FILIP1L: variants seen among roughly 807,000 people sequenced by gnomAD.
FILIP1L encodes filamin A-interacting protein 1-like.
FILIP1L carries 55 observed loss-of-function variants against 96.6 expected under a neutral mutation model. That is an observed-to-expected ratio of 0.57 (90% CI 0.46 to 0.71). The LOEUF (loss-of-function observed/expected upper bound fraction) is 0.71. Ranked by LOEUF, FILIP1L falls within the 30% of genes least tolerant of loss-of-function variation. The pLI is 0.00. For missense variants in FILIP1L, 1,304 were observed against 1,321.2 expected, an observed-to-expected ratio of 0.99 and a Z score of 0.20; for synonymous variants, 467 against 473.9, an observed-to-expected ratio of 0.99 and a Z score of 0.19.
At chr3:100,043,861 T>C (rs1269323628) in intron 1 of FILIP1L, among the ~76,000 whole-genome samples, 1 of 152,224 alleles carries the variant, frequency 6.6e-6, no homozygotes, top group African/African-American at 2.4e-5. Flanking sequence ...CAGTATGTTA[T>C]TTTGAATAAC....
chr3:99,918,837 G>A (rs1270774034), intron 4 of FILIP1L, among the ~76,000 whole-genome samples: 1 of 152,108 alleles, frequency 6.6e-6, no homozygotes, highest in Non-Finnish European at 1.5e-5. Context: ...TCTCCATTTT[G>A]TTCTGTCAAA....
rs1283434727 is a variant in FILIP1L, at chr3:99,848,358, T to C, written c.3318A>G (p.Lys1106=). The C allele has an allele frequency of 6.2e-7, 1 of 1,614,180 alleles. No homozygotes were observed. Among genetic ancestry groups the C allele is most frequent in the Non-Finnish European group, 8.5e-7 (1 of 1,180,018 alleles). ...GTGTGATAGTAATACTGCTGGTGAC[T>C]TTATTGGTTGTTTTGTTTAGTGCCC... The part of the protein sequence containing the change: ...INGALNKTTN[K]VTSSITITPT... The change falls in exon 5 of 6, where the codon AAA becomes AAG. Residue 1106 remains lysine, a synonymous_variant. Transcript: ENST00000477258.
At chr3:99,864,634 C>A (rs1271115534) in intron 4 of FILIP1L, among the ~76,000 whole-genome samples, 1 of 152,044 alleles carries the variant, frequency 6.6e-6, no homozygotes, top group Non-Finnish European at 1.5e-5. Flanking sequence ...TTCATTTGTT[C>A]ATTCCCATGC....
intron 1 of FILIP1L, among the ~76,000 whole-genome samples, chr3:99,960,307 T>A (rs1211512326): frequency 6.6e-6 from 1 of 152,140 alleles, no homozygotes; most frequent in Non-Finnish European, 1.5e-5. Flanking sequence ...AGGATCCCCA[T>A]TTTACAGATG....
intron 1 of FILIP1L, among the ~76,000 whole-genome samples, chr3:99,986,305 C>T (rs777281001): frequency 1.4e-4 from 22 of 152,076 alleles, no homozygotes; most frequent in Non-Finnish European, 1.5e-5. Flanking sequence ...AAGCTTGTGG[C>T]ATTAGATATG....
At chr3:100,007,426 A>T (rs528632165) in intron 1 of FILIP1L, among the ~76,000 whole-genome samples, 39 of 152,210 alleles carry the variant, frequency 2.6e-4, no homozygotes, top group Non-Finnish European at 5.0e-4. Context: ...AATTTTGGAA[A>T]CCTTGCTTGT....
intron 1 of FILIP1L, among the ~76,000 whole-genome samples, chr3:100,039,153 T>G (rs1278273787): frequency 2.0e-5 from 3 of 152,236 alleles, no homozygotes; most frequent in Non-Finnish European, 4.4e-5. Context: ...TAATAATAGT[T>G]CATCAAACAC....
intron 4 of FILIP1L, among the ~76,000 whole-genome samples, chr3:99,861,845 C>G (rs1162828431): frequency 2.6e-5 from 4 of 152,130 alleles, no homozygotes; most frequent in Non-Finnish European, 5.9e-5. Flanking sequence ...CAGCTGAATC[C>G]CGGCTTTCCA....
At chr3:99,905,551 A>G (rs146537701) in intron 4 of FILIP1L, among the ~76,000 whole-genome samples, 45 of 152,344 alleles carry the variant, frequency 3.0e-4, no homozygotes, top group African/African-American at 1.1e-3. Flanking sequence ...TTATTGAGGT[A>G]TAATTTATTT....
At chr3:100,075,748 C>T (rs1300151990) in intron 1 of FILIP1L, 1 of 152,070 alleles carries the variant, frequency 6.6e-6, no homozygotes, top group African/African-American at 2.4e-5. Flanking sequence ...AGAATTTCAT[C>T]CCACAGTGAT....
At chr3:100,052,018 A>T (rs2107320221) in intron 1 of FILIP1L, among the ~76,000 whole-genome samples, 1 of 151,686 alleles carries the variant, frequency 6.6e-6, no homozygotes, top group South Asian at 2.1e-4. Flanking sequence ...AGCAAGAAAC[A>T]CATGCAATTT....
chr3:100,068,600 A>T (rs2065707584), intron 1 of FILIP1L, among the ~76,000 whole-genome samples: 1 of 152,190 alleles, frequency 6.6e-6, no homozygotes, highest in Non-Finnish European at 1.5e-5. Flanking sequence ...CTTTTCTAAA[A>T]CATGAAAAAT....
At chr3:99,856,601 C>T (rs1490601285) in intron 4 of FILIP1L, among the ~76,000 whole-genome samples, 2 of 152,208 alleles carry the variant, frequency 1.3e-5, no homozygotes, top group Admixed American at 6.5e-5. Context: ...TCTACTATGG[C>T]TCAGAATTGT....
chr3:99,962,600 T>C (rs12629349), intron 1 of FILIP1L, among the ~76,000 whole-genome samples: 1,966 of 152,240 alleles, frequency 0.013, 99 homozygotes, highest in Admixed American at 0.092. Flanking sequence ...TTTGGTGGCT[T>C]TTATACACAG....
chr3:100,088,498 A>G (rs1338213379), intron 1 of FILIP1L, among the ~76,000 whole-genome samples: 1 of 152,242 alleles, frequency 6.6e-6, no homozygotes, highest in African/African-American at 2.4e-5. Flanking sequence ...TCATTTCAAA[A>G]TCTTTATATT....
chr3:99,997,956 G>A (rs9872339), intron 1 of FILIP1L, among the ~76,000 whole-genome samples: 125,942 of 152,182 alleles, frequency 0.83, 52,151 homozygotes, highest in East Asian at 0.88. Flanking sequence ...TCAAGATCAA[G>A]TTGAATAAAA....
rs560379307 is a variant in FILIP1L at position 100,095,048 on chromosome 3, A to G, written c.-11+19005T>C. On this transcript the variant is annotated intron_variant, in intron 1 of 5. Coordinates refer to ENST00000477258, the MANE Select transcript of FILIP1L (RefSeq NM_001387850.1). ...CTGTTGTGAAAAACCAGGCAGGCAT[A>G]TTTGCATGGTCTGTTCACAGATTCT... Among the ~76,000 whole-genome samples the G allele has an allele frequency of 2.0e-5, 3 of 152,184 alleles. No homozygotes were observed. The South Asian group carries it at 6.2e-4, about 32-fold the overall frequency.
intron 1 of FILIP1L, among the ~76,000 whole-genome samples, chr3:99,964,725 G>T (rs1708595512): frequency 6.6e-6 from 1 of 152,086 alleles, no homozygotes; most frequent in Non-Finnish European, 1.5e-5. Flanking sequence ...GTAAACAAAG[G>T]AGGCTTTGGA....
Position 99,930,972 on chromosome 3 carries a change from G to A in FILIP1L, c.49C>T (p.Pro17Ser). ...DTEGSAQKKF[P>S]RHTKGHSFQG... is the part of the protein sequence containing the mutation. The stretch of plus-strand genomic sequence containing the variant: ...AAACTGTGGCCTTTAGTATGTCTTG[G>A]AAATTTCTTTTGGGCTGAGCCCTCG... Residue 17 changes from proline (P) to serine (S), a missense_variant, in exon 2 of 6, where the codon CCA (proline) becomes TCA (serine). Coordinates refer to ENST00000477258, the MANE Select transcript of FILIP1L (RefSeq NM_001387850.1). 6.2e-7 allele frequency: 1 copy of A among 1,613,758 alleles called. No homozygotes were observed. Among genetic ancestry groups the A allele is most frequent in the Non-Finnish European group, 8.5e-7 (1 of 1,179,914 alleles).
Sources: allele counts gnomAD v4.1 joint callset (sites outside exome capture counted in the v4.1 genomes callset), GRCh38; gene constraint gnomAD v4.1.1; transcripts MANE v1.5; gene names NCBI Gene and HGNC (gene_info 2026-07-23, HGNC 2026-07-21).